The following PDE6B variants were observed in gnomAD, a reference collection of about 807,000 sequenced individuals.
PDE6B encodes the protein rod cGMP-specific 3',5'-cyclic phosphodiesterase subunit beta.
Under a neutral mutation model 109.0 loss-of-function variants are expected in PDE6B, and 106 were observed. The observed-to-expected ratio is 0.97, with a 90% CI of 0.83 to 1.14. The LOEUF (loss-of-function observed/expected upper bound fraction) is 1.14. PDE6B is among the 50% of genes most tolerant of loss of function. The pLI is 0.00. For synonymous variants in PDE6B, 490 were observed against 471.3 expected (o/e 1.04, Z -0.51); for missense variants, 1,193 against 1,155.6 (o/e 1.03, Z -0.47).
In PDE6B at chr4:629,769, G is replaced by A. The variant is rs148326551; in HGVS notation, c.468+3675G>A. ...CAGGACCGGCCGTCAGCCATGCTGA[G>A]CACAGACGGCAGAGGAGGTGTGGGG... On this transcript the variant is annotated intron_variant, in intron 1 of 21. Transcript: ENST00000496514. Among the ~76,000 whole-genome samples, 103 of 152,370 alleles carry A rather than the reference G, an allele frequency of 6.8e-4. 1 individual carries two copies. The highest frequency in any genetic ancestry group is 2.4e-3 in the African/African-American group (99 of 41,592).
intron 12 of PDE6B, chr4:661,543 C>T (rs1486901052): frequency 6.5e-6 from 1 of 154,350 alleles, no homozygotes; most frequent in African/African-American, 2.4e-5. Flanking sequence ...GTGCAGCAGG[C>T]CAGCATTTTC....
chr4:663,201 C>T lies in PDE6B; in HGVS notation c.1920+14C>T, dbSNP rs368975230. 1 of 1,450,428 alleles carries T rather than the reference C, an allele frequency of 6.9e-7. No individual in the cohort carries two copies. The highest frequency in any genetic ancestry group is 9.7e-7 in the Non-Finnish European group (1 of 1,030,684). 89.8% of individuals were successfully genotyped at this position (1,450,428 alleles called of 1,614,324 possible). On this transcript the variant is annotated intron_variant, in intron 15 of 21. Transcript: ENST00000496514. The surrounding 1 kb of genome is among the most constrained non-coding windows in gnomAD (Gnocchi z 4.0). Reference sequence around the variant, plus strand: ...CTCTCGGAGGAGGTTGGTATACTCACCCTCGGTTTCTGCTGTGGGCGCTGG... The same window carrying T: ...CTCTCGGAGGAGGTTGGTATACTCATCCTCGGTTTCTGCTGTGGGCGCTGG...
At position 625,970 on chromosome 4, in the gene PDE6B, C is replaced by T. The variant is rs189172362; in HGVS notation, c.344C>T (p.Pro115Leu). The change falls in exon 1 of 22, where the codon CCG becomes CTG. Residue 115 changes from proline to leucine, a missense_variant. By Grantham distance (98) the Pro-to-Leu change is moderately conservative. Transcript: ENST00000496514. This position sits in a 1 kb window ranked among gnomAD's most constrained non-coding sequence, Gnocchi z 5.0. ...GCCACCAGGCTTTTCAGCGTGCAGC[C>T]GGACAGCGTCCTGGAGGACTGCCTG... ...ELATRLFSVQ[P>L]DSVLEDCLVP... The T allele has an allele frequency of 3.0e-5, 48 of 1,583,694 alleles. No individual in the cohort carries two copies. The highest frequency in any genetic ancestry group is 1.7e-4 in the Middle Eastern group (1 of 6,004).
rs1183580191 is a variant in PDE6B, at chr4:625,800, G to A, written c.174G>A (p.Ala58=). 2.3e-5 allele frequency: 37 copies of A among 1,613,152 alleles called. No homozygotes were observed. The highest frequency in any genetic ancestry group is 3.3e-4 in the Middle Eastern group (2 of 6,084). ...TCTGCCAGGTGGAGGAGAGCACGGC[G>A]CTGCTGGAGCTGGTGCAGGATATGC... is the stretch of plus-strand genomic sequence containing the variant. The part of the protein sequence containing the change: ...RDLCQVEEST[A]LLELVQDMQE... Residue 58 remains alanine, a synonymous_variant, in exon 1 of 22, where the codon GCG becomes GCA. Transcript: ENST00000496514. This position sits in a 1 kb window ranked among gnomAD's most constrained non-coding sequence, Gnocchi z 5.0.
Position 665,492 on chromosome 4 carries a change from C to T in PDE6B, c.2268+163C>T, listed in dbSNP as rs888096648. Among the ~76,000 whole-genome samples the T allele has an allele frequency of 4.6e-5, 7 of 152,104 alleles. No individual in the cohort carries two copies. The highest frequency in any genetic ancestry group is 1.2e-4 in the African/African-American group (5 of 41,426). ...TCATGTGACATGCGTGTGGGTGGCT[C>T]GGACCTGGGTACAGCTGTGGCTTGG... is the stretch of plus-strand genomic sequence containing the variant. On this transcript the variant is annotated intron_variant, in intron 19 of 21. Coordinates refer to ENST00000496514, the MANE Select transcript of PDE6B (RefSeq NM_000283.4). This position sits in a 1 kb window ranked among gnomAD's most constrained non-coding sequence, Gnocchi z 4.0.
In PDE6B at chr4:664,913, C is replaced by T; in HGVS notation, c.2162C>T (p.Ala721Val). The T allele has an allele frequency of 6.2e-7, 1 of 1,613,226 alleles. No individual in the cohort carries two copies. The highest frequency in any genetic ancestry group is 2.2e-5 in the East Asian group (1 of 44,884). ...AMMMTACDLS[A>V]ITKPWEVQSK... ...ATGATGACAGCCTGCGACCTGTCTG[C>T]CATCACCAAGCCCTGGGAAGTCCAG... Residue 721 changes from alanine (A) to valine (V), a missense_variant, in exon 18 of 22, where the codon GCC (alanine) becomes GTC (valine). Ala to Val is a moderately conservative substitution (Grantham distance 64). Transcript: ENST00000496514.
At position 644,508 on chromosome 4, in the gene PDE6B, C is replaced by T. The variant is rs909346870; in HGVS notation, c.711+8539C>T. On this transcript the variant is annotated intron_variant, in intron 3 of 21. Transcript: ENST00000496514. Reference sequence around the variant, plus strand: ...ATTATAGATGTCAATTATGTCCATTCGAATAACAGTGTTTTTGTTTTTTTT... The same window carrying T: ...ATTATAGATGTCAATTATGTCCATTTGAATAACAGTGTTTTTGTTTTTTTT... Among the ~76,000 whole-genome samples the T allele has an allele frequency of 2.4e-4, 36 of 151,742 alleles. 1 individual carries two copies. The highest frequency in any genetic ancestry group is 3.2e-3 in the Middle Eastern group (1 of 316).
intron 3 of PDE6B, chr4:651,743 G>C (rs888427114): frequency 6.7e-6 from 1 of 150,348 alleles, no homozygotes; most frequent in Non-Finnish European, 1.5e-5. Flanking sequence ...ATGGGGAGCC[G>C]TCTCCATTCA....
rs548071774 is a variant in PDE6B, at chr4:648,283, C to T, written c.712-5569C>T. On this transcript the variant is annotated intron_variant, in intron 3 of 21. Transcript: ENST00000496514. The surrounding 1 kb of genome is among the most constrained non-coding windows in gnomAD (Gnocchi z 4.5). Reference sequence around the variant, plus strand: ...TCCATGTGAGACTTTCGATTTTGCACCAGACATTGCCCAGTCCTAGGAAAA... The same window carrying T: ...TCCATGTGAGACTTTCGATTTTGCATCAGACATTGCCCAGTCCTAGGAAAA... Among the ~76,000 whole-genome samples, 1 of 152,178 alleles carries T rather than the reference C, an allele frequency of 6.6e-6. No homozygotes were observed. Among genetic ancestry groups the T allele is most frequent in the East Asian group, 1.9e-4 (1 of 5,182 alleles).
intron 3 of PDE6B, 189 bp from the exon 4 acceptor site, chr4:653,662 GC>G: frequency 1.5e-6 from 1 of 686,612 alleles, no homozygotes; most frequent in Non-Finnish European, 2.5e-6. Flanking sequence ...CAGCTCCCGG[GC>G]CCCACAAGCT....
intron 9 of PDE6B, 22 bp downstream of exon 9, chr4:657,045 G>T: frequency 6.2e-7 from 1 of 1,611,710 alleles, no homozygotes. Flanking sequence ...GGCAGACGTG[G>T]TTCCGCCGGG....
intron 20 of PDE6B, 132 bp from the exon 21 acceptor site, chr4:667,724 C>A: frequency 1.1e-6 from 1 of 917,578 alleles, no homozygotes; most frequent in Non-Finnish European, 1.8e-6. Context: ...TGGGAAGGTG[C>A]CCCCTCCGTG....
intron 1 of PDE6B, among the ~76,000 whole-genome samples, chr4:634,186 C>T (rs970190438): frequency 1.1e-4 from 16 of 152,082 alleles, no homozygotes; most frequent in African/African-American, 3.9e-4. Flanking sequence ...TTAAAGTGTC[C>T]GACGAACAAG....
chr4:668,123 C>T, intron 21 of PDE6B, 117 bp downstream of exon 21: 1 of 1,047,688 alleles, frequency 9.5e-7, no homozygotes, highest in Non-Finnish European at 1.4e-6. Flanking sequence ...TTCAAGAAGC[C>T]TCGAGGTGGA....
At chr4:649,913 G>A (rs1735411347) in intron 3 of PDE6B, among the ~76,000 whole-genome samples, 1 of 152,172 alleles carries the variant, frequency 6.6e-6, no homozygotes. Context: ...TGTGCCTTCT[G>A]CCCCCCATGT....
At chr4:653,282 A>G in intron 3 of PDE6B, 5 of 1,026,422 alleles carry the variant, frequency 4.9e-6, no homozygotes, top group Non-Finnish European at 3.5e-6. Context: ...GGCCTTGACC[A>G]AGGAGGCAGA....
chr4:642,141 A>G (rs991359314), intron 3 of PDE6B, among the ~76,000 whole-genome samples: 21 of 152,264 alleles, frequency 1.4e-4, no homozygotes, highest in African/African-American at 4.1e-4. Context: ...CTTATTCCCA[A>G]TCTTAGGAGA....
intron 21 of PDE6B, among the ~76,000 whole-genome samples, chr4:669,572 C>G (rs5021189): frequency 2.8e-5 from 2 of 71,012 alleles, no homozygotes; most frequent in African/African-American, 7.3e-5. Flanking sequence ...TTCCCACTAC[C>G]CCATGCTATT....
rs1305333312 is a variant in PDE6B at position 662,201 on chromosome 4, A to G, written c.1682A>G (p.His561Arg). 1.9e-6 allele frequency: 3 copies of G among 1,578,466 alleles called. No homozygotes were observed. In the Admixed American group the frequency reaches 5.5e-5, roughly 29 times the overall value. The change falls in exon 13 of 22, where the codon CAC becomes CGC. Residue 561 changes from histidine to arginine, a missense_variant. Transcript: ENST00000496514. This position sits in a 1 kb window ranked among gnomAD's most constrained non-coding sequence, Gnocchi z 4.3. Reference sequence around the variant, plus strand: ...AGAATCACCTACCACAACTGGCGCCACGGCTTCAACGTGGCCCAGACGATG... The same window carrying G: ...AGAATCACCTACCACAACTGGCGCCGCGGCTTCAACGTGGCCCAGACGATG... ...YRRITYHNWR[H>R]GFNVAQTMFT...
Sources: gnomAD v4.1 joint callset for allele counts (sites outside exome capture counted in the v4.1 genomes callset) on GRCh38, gnomAD v4.1.1 for gene constraint, Gnocchi (gnomAD v3.1) non-coding constraint, MANE v1.5 for transcripts, NCBI Gene and HGNC (gene_info 2026-07-23, HGNC 2026-07-21) for gene names.